ACSM1: variants seen among roughly 807,000 people sequenced by gnomAD.
ACSM1 encodes acyl-coenzyme A synthetase ACSM1, mitochondrial.
Under a neutral mutation model 75.8 loss-of-function variants are expected in ACSM1, and 79 were observed. The observed-to-expected ratio is 1.04, with a 90% CI of 0.87 to 1.26. ACSM1 has a LOEUF of 1.26. Among genes scored for constraint, ACSM1 ranks in the 50% most tolerant of loss-of-function variants. The probability of loss-of-function intolerance (pLI) is 0.00; values close to 1 mark genes in which losing one functional copy is unlikely to be tolerated. For synonymous variants in ACSM1, 279 were observed against 265.8 expected, an observed-to-expected ratio of 1.05 and a Z score of -0.48; for missense variants, 676 against 720.1, an observed-to-expected ratio of 0.94 and a Z score of 0.70.
At chr16:20,638,187 A>G (rs910812998) in intron 8 of ACSM1, among the ~76,000 whole-genome samples, 11 of 152,228 alleles carry the variant, frequency 7.2e-5, no homozygotes, top group Non-Finnish European at 1.2e-4. Flanking sequence ...ATGCATGCCA[A>G]TGAATCCCTC....
chr16:20,658,643 C>T (rs1175879204), intron 7 of ACSM1, among the ~76,000 whole-genome samples: 1 of 152,156 alleles, frequency 6.6e-6, no homozygotes, highest in African/African-American at 2.4e-5. Context: ...AAAACCTTTT[C>T]TCTCCCAAAT....
At position 20,640,568 on chromosome 16, in the gene ACSM1, G is replaced by A. The variant is rs749354099; in HGVS notation, c.1009C>T (p.Leu337=). The part of the protein sequence containing the change: ...QDFTSIRFPA[L]EHCYTGGEVV... ...TCCCCGCCAGTATAGCAGTGCTCCA[G>A]GGCAGGGAACCTGATGCTTAGAGGA... Residue 337 remains leucine, a synonymous_variant, in exon 8 of 14, where the codon CTG becomes TTG. Transcript: ENST00000520010. 1.9e-6 allele frequency: 3 copies of A among 1,614,174 alleles called. No homozygotes were observed. The highest frequency in any genetic ancestry group is 2.5e-6 in the Non-Finnish European group (3 of 1,179,998).
At chr16:20,688,468 G>A (rs1184502807) in intron 2 of ACSM1, among the ~76,000 whole-genome samples, 1 of 152,110 alleles carries the variant, frequency 6.6e-6, no homozygotes, top group Non-Finnish European at 1.5e-5. Flanking sequence ...TAAACCTCAA[G>A]TAGAATAAAT....
chr16:20,684,059 C>G (rs189302543), intron 3 of ACSM1, among the ~76,000 whole-genome samples: 1 of 152,184 alleles, frequency 6.6e-6, no homozygotes, highest in Admixed American at 6.5e-5. Context: ...GAGTGCTGTA[C>G]ACATGATAAA....
At position 20,670,731 on chromosome 16, in the gene ACSM1, T is replaced by C. The variant is rs191345510; in HGVS notation, c.753-745A>G. Among the ~76,000 whole-genome samples the C allele has an allele frequency of 4.5e-4, 68 of 152,334 alleles. No individual in the cohort carries two copies. In the East Asian group the frequency reaches 0.01, roughly 23 times the overall value. On this transcript the variant is annotated intron_variant, in intron 5 of 13. Coordinates refer to ENST00000520010, the MANE Select transcript of ACSM1 (RefSeq NM_001318890.3). ...CTATGAATACTACTTTTTATATCTT[T>C]GTGTCTTTGCACATATTATTCCACC... is the stretch of plus-strand genomic sequence containing the variant.
At chr16:20,643,573 A>G (rs987754246) in intron 7 of ACSM1, among the ~76,000 whole-genome samples, 1 of 152,224 alleles carries the variant, frequency 6.6e-6, no homozygotes, top group African/African-American at 2.4e-5. Context: ...TCATAAAGGT[A>G]GTGCAGACCC....
intron 4 of ACSM1, chr16:20,680,946 T>C (rs577436798): frequency 6.9e-4 from 105 of 152,338 alleles, no homozygotes; most frequent in African/African-American, 2.5e-3. Flanking sequence ...GGAACTCTTA[T>C]GGTATCCAGT....
chr16:20,689,096 T>C (rs2079606946), intron 2 of ACSM1, among the ~76,000 whole-genome samples: 2 of 143,568 alleles, frequency 1.4e-5, no homozygotes, highest in Admixed American at 1.4e-4. Flanking sequence ...ATCAATAACA[T>C]AAAGTGTGGG....
At chr16:20,689,065 T>C (rs2079606127) in intron 2 of ACSM1, among the ~76,000 whole-genome samples, 1 of 150,264 alleles carries the variant, frequency 6.7e-6, no homozygotes, top group Non-Finnish European at 1.5e-5. Context: ...TTAAGCAATA[T>C]ACAAAAATGT....
chr16:20,624,261 A>G, intron 12 of ACSM1, 46 bp from the exon 13 acceptor site: 1 of 1,549,920 alleles, frequency 6.5e-7, no homozygotes, highest in Non-Finnish European at 8.7e-7. Flanking sequence ...AACCTACTCC[A>G]TAGCTTAAAA....
intron 6 of ACSM1, among the ~76,000 whole-genome samples, chr16:20,667,258 T>C (rs1350917921): frequency 1.3e-5 from 2 of 152,184 alleles, no homozygotes; most frequent in Non-Finnish European, 2.9e-5. Flanking sequence ...TAGACTCTTA[T>C]ATGTGATGTC....
At chr16:20,655,687 G>T (rs1374327617) in intron 7 of ACSM1, among the ~76,000 whole-genome samples, 2 of 151,974 alleles carry the variant, frequency 1.3e-5, no homozygotes, top group African/African-American at 2.4e-5. Flanking sequence ...TTTTGAGATG[G>T]AGTCTCACTC....
intron 10 of ACSM1, among the ~76,000 whole-genome samples, chr16:20,633,965 T>A (rs2017501661): frequency 6.6e-6 from 1 of 152,208 alleles, no homozygotes; most frequent in South Asian, 2.1e-4. Context: ...AAACTCACAC[T>A]TCCTGACCTC....
chr16:20,629,671 T>C (rs949359235), intron 10 of ACSM1, among the ~76,000 whole-genome samples: 9 of 152,190 alleles, frequency 5.9e-5, no homozygotes, highest in African/African-American at 2.2e-4. Flanking sequence ...AAATATACAC[T>C]ATCTACAAGA....
chr16:20,668,423 A>C (rs2019696531), intron 6 of ACSM1, among the ~76,000 whole-genome samples: 1 of 152,166 alleles, frequency 6.6e-6, no homozygotes, highest in Non-Finnish European at 1.5e-5. Context: ...TGGTGCTTTA[A>C]GTCTCAGGTG....
intron 7 of ACSM1, among the ~76,000 whole-genome samples, chr16:20,655,572 G>A (rs2018914184): frequency 6.6e-6 from 1 of 152,118 alleles, no homozygotes; most frequent in Admixed American, 6.6e-5. Context: ...TCTTTCTAGA[G>A]ATGGGTCTTT....
chr16:20,683,086 T>A (rs900317173), intron 3 of ACSM1, among the ~76,000 whole-genome samples: 1 of 151,782 alleles, frequency 6.6e-6, no homozygotes, highest in Non-Finnish European at 1.5e-5. Flanking sequence ...AAACATTGAC[T>A]TTTTTTTCCT....
intron 12 of ACSM1, 67 bp from the exon 13 acceptor site, chr16:20,624,282 T>C: frequency 6.6e-7 from 1 of 1,506,150 alleles, no homozygotes; most frequent in East Asian, 2.4e-5. Context: ...AGTCAATGTT[T>C]ATTGAATGAG....
chr16:20,685,047 C>T, intron 3 of ACSM1, 146 bp downstream of exon 3: 1 of 771,072 alleles, frequency 1.3e-6, no homozygotes, highest in Middle Eastern at 3.7e-4. Flanking sequence ...GGCAGGAAGC[C>T]TTGCTTTGTG....
Sources: gnomAD v4.1 joint callset for allele counts (sites outside exome capture counted in the v4.1 genomes callset) on GRCh38, gnomAD v4.1.1 for gene constraint, MANE v1.5 for transcripts, NCBI Gene and HGNC (gene_info 2026-07-23, HGNC 2026-07-21) for gene names.